The following SPARC variants were observed in gnomAD, a reference collection of about 807,000 sequenced individuals.
SPARC encodes secreted protein acidic and cysteine rich, also known as basement-membrane protein 40.
Under a neutral mutation model 37.7 loss-of-function variants are expected in SPARC, and 23 were observed. That is an observed-to-expected ratio of 0.61 (90% CI 0.44 to 0.87). The LOEUF (loss-of-function observed/expected upper bound fraction) is 0.87, where lower values mean the gene tolerates loss of function less well. Ranked by LOEUF, SPARC falls within the 40% of genes least tolerant of loss-of-function variation. The pLI is 0.00. For missense variants in SPARC, 312 were observed against 389.0 expected (o/e 0.80, Z 1.66); for synonymous variants, 155 against 150.8 (o/e 1.03, Z -0.20).
At chr5:151,684,903 C>T (rs1324234408) in intron 1 of SPARC, among the ~76,000 whole-genome samples, 1 of 152,164 alleles carries the variant, frequency 6.6e-6, no homozygotes, top group Non-Finnish European at 1.5e-5. Flanking sequence ...AGGAGATTAT[C>T]ATGGCCCAAG....
Position 151,671,667 on chromosome 5 carries a change from T to G in SPARC, c.236A>C (p.His79Pro). ...CTCATCCAGCTCGCACACCTTGCCGTGTTTGCAGTGGTGGTTCTGGCAGGG... is the reference window on the plus strand; with the variant it reads ...CTCATCCAGCTCGCACACCTTGCCGGGTTTGCAGTGGTGGTTCTGGCAGGG... ...ENPCQNHHCK[H>P]GKVCELDENN... The change falls in exon 5 of 10, where the codon CAC (histidine) becomes CCC (proline). Residue 79 changes from histidine (H) to proline (P), a missense_variant. Physicochemically the swap from His to Pro is moderately conservative, Grantham distance 77. Coordinates refer to ENST00000231061, the MANE Select transcript of SPARC (RefSeq NM_003118.4). The G allele has an allele frequency of 6.2e-7, 1 of 1,613,502 alleles. No homozygotes were observed. The highest frequency in any genetic ancestry group is 8.5e-7 in the Non-Finnish European group (1 of 1,179,682).
chr5:151,673,298 C>T (rs1581525392), intron 3 of SPARC, 82 bp from the exon 4 acceptor site: 10 of 937,586 alleles, frequency 1.1e-5, no homozygotes, highest in African/African-American at 4.9e-5. Flanking sequence ...TTCCAGGTCA[C>T]AGAAAGCACA....
intron 1 of SPARC, chr5:151,679,320 G>A (rs1444464977): frequency 6.6e-6 from 1 of 152,300 alleles, no homozygotes; most frequent in East Asian, 1.9e-4. Flanking sequence ...GGAGAAAACT[G>A]CCAACGGCTA....
chr5:151,683,692 T>C (rs750191224), intron 1 of SPARC, among the ~76,000 whole-genome samples: 2 of 152,242 alleles, frequency 1.3e-5, no homozygotes, highest in Non-Finnish European at 1.5e-5. Context: ...CTGTGTAAGT[T>C]ACATACAGCC....
chr5:151,663,417 A>G lies in SPARC; in HGVS notation c.*154T>C, dbSNP rs1760552536. On this transcript the variant is annotated 3_prime_UTR_variant, in exon 10 of 10. Transcript: ENST00000231061. ...TAAGAATGTCATGTCTTGGGTTAGAATTTTCATTTTTAGCACCGTTAATGT... is the reference window on the plus strand; with the variant it reads ...TAAGAATGTCATGTCTTGGGTTAGAGTTTTCATTTTTAGCACCGTTAATGT... 5.5e-6 allele frequency: 4 copies of G among 731,880 alleles called. No homozygotes were observed. The South Asian group carries it at 7.0e-5, about 13-fold the overall frequency. The allele number at this position is 731,880 out of a possible 1,614,324, so 45.3% of individuals were successfully genotyped here.
rs907048431 is a variant in SPARC at position 151,665,851 on chromosome 5, G to A, written c.734+510C>T. On this transcript the variant is annotated intron_variant, in intron 8 of 9. Coordinates refer to ENST00000231061, the MANE Select transcript of SPARC (RefSeq NM_003118.4). ...GCAGTTGCACAGGGCCTCATAACTC[G>A]TTTGGACAAGGGACAAGAGCCCTCA... Among the ~76,000 whole-genome samples the A allele has an allele frequency of 5.9e-5, 9 of 152,336 alleles. No individual in the cohort carries two copies. The South Asian group carries it at 1.2e-3, about 21-fold the overall frequency.
chr5:151,672,000 C>A (rs1343814405), intron 4 of SPARC, among the ~76,000 whole-genome samples: 1 of 152,146 alleles, frequency 6.6e-6, no homozygotes, highest in Non-Finnish European at 1.5e-5. Context: ...TTGAAGCAAC[C>A]ATTGTGTTCC....
chr5:151,677,449 A>T (rs1235888576), intron 1 of SPARC, among the ~76,000 whole-genome samples: 2 of 152,152 alleles, frequency 1.3e-5, no homozygotes, highest in African/African-American at 4.8e-5. Context: ...AGACTTCTCA[A>T]CTGACCAAAT....
chr5:151,671,928 G>A (rs6579885), intron 4 of SPARC: 4 of 501,466 alleles, frequency 8.0e-6, no homozygotes, highest in South Asian at 2.8e-5. Flanking sequence ...AGGCACTTCT[G>A]GGGGGCTGGA....
At chr5:151,683,105 G>C (rs924767862) in intron 1 of SPARC, among the ~76,000 whole-genome samples, 7 of 140,998 alleles carry the variant, frequency 5.0e-5, no homozygotes, top group Non-Finnish European at 1.1e-4. Context: ...GGGAGGGAGG[G>C]AGGGAGGGAG....
chr5:151,664,600 C>T, intron 8 of SPARC, among the ~76,000 whole-genome samples: 1 of 152,204 alleles, frequency 6.6e-6, no homozygotes, highest in South Asian at 2.1e-4. Context: ...AATCAAAATT[C>T]AGCACTTCTG....
chr5:151,681,236 C>A (rs1312689876), intron 1 of SPARC, among the ~76,000 whole-genome samples: 1 of 152,198 alleles, frequency 6.6e-6, no homozygotes, highest in Non-Finnish European at 1.5e-5. Context: ...GACATGGGGA[C>A]CGAGCCAGGC....
At chr5:151,682,494 C>T (rs1761018720) in intron 1 of SPARC, among the ~76,000 whole-genome samples, 1 of 152,166 alleles carries the variant, frequency 6.6e-6, no homozygotes, top group African/African-American at 2.4e-5. Flanking sequence ...AACACGTGGC[C>T]TCCACCTACC....
At chr5:151,670,995 C>A (rs139846441) in intron 5 of SPARC, among the ~76,000 whole-genome samples, 29 of 152,198 alleles carry the variant, frequency 1.9e-4, no homozygotes, top group African/African-American at 6.7e-4. Flanking sequence ...GGAGCAGGCA[C>A]TCAAAAAATA....
In SPARC at chr5:151,666,362, C is replaced by T. The variant is rs41290587; in HGVS notation, c.733G>A (p.Gly245Arg). Residue 245 changes from glycine to arginine, a missense_variant and splice_region_variant, in exon 8 of 10, where the codon GGG becomes AGG. Physicochemically the swap from Gly to Arg is moderately radical, Grantham distance 125. Transcript: ENST00000231061. ...FGQLDQHPID[G>R]YLSHTELAPL... ...TCACTCTAGGGTCTGGGGTCTTACC[C>T]GTCAATGGGGTGCTGGTCCAGCTGG... The T allele has an allele frequency of 5.6e-3, 9,106 of 1,613,588 alleles. 33 individuals carry two copies. Among genetic ancestry groups the T allele is most frequent in the Non-Finnish European group, 6.7e-3 (7,934 of 1,179,674 alleles).
In SPARC at chr5:151,676,203, T is replaced by G; in HGVS notation, c.-13-2A>C. The G allele has an allele frequency of 6.2e-7, 1 of 1,607,732 alleles. No individual in the cohort carries two copies. Among genetic ancestry groups the G allele is most frequent in the Non-Finnish European group, 8.5e-7 (1 of 1,177,088 alleles). On this transcript the variant is annotated splice_acceptor_variant, in intron 1 of 9. Coordinates refer to ENST00000231061, the MANE Select transcript of SPARC (RefSeq NM_003118.4). LOFTEE classifies it low-confidence loss of function (5UTR_SPLICE). ...CAGGCCCTCATGGTGCTGGGAACCCTATGGGGAGGAGAGATTGAGAGTTCA... is the reference window on the plus strand; with the variant it reads ...CAGGCCCTCATGGTGCTGGGAACCCGATGGGGAGGAGAGATTGAGAGTTCA...
chr5:151,669,550 A>C, intron 6 of SPARC, 114 bp downstream of exon 6: 1 of 1,252,702 alleles, frequency 8.0e-7, no homozygotes, highest in Non-Finnish European at 1.1e-6. Context: ...AGACTCAGAA[A>C]GGGAGAGAGA....
chr5:151,685,422 T>TCA (rs3033198), intron 1 of SPARC, among the ~76,000 whole-genome samples: 8,035 of 140,432 alleles, frequency 0.057, 266 homozygotes, highest in East Asian at 0.1. Flanking sequence ...CCTCTCTCTC[T>TCA]CACACACACA....
chr5:151,682,373 T>C (rs188318103), intron 1 of SPARC, among the ~76,000 whole-genome samples: 3 of 152,336 alleles, frequency 2.0e-5, no homozygotes, highest in South Asian at 2.1e-4. Context: ...CGCTGCTGCA[T>C]TGTGGTGACC....
Sources: gnomAD v4.1 joint callset for allele counts (sites outside exome capture counted in the v4.1 genomes callset) on GRCh38, gnomAD v4.1.1 for gene constraint, MANE v1.5 for transcripts, NCBI Gene and HGNC (gene_info 2026-07-23, HGNC 2026-07-21) for gene names.